Variants in SLC22A3 observed in about 807,000 individuals in gnomAD.
SLC22A3 encodes EMT organic cation transporter 3.
A neutral mutation model predicts 59.1 loss-of-function variants in SLC22A3; 51 were observed. The observed-to-expected ratio is 0.86, with a 90% CI of 0.69 to 1.09. The LOEUF (loss-of-function observed/expected upper bound fraction) is 1.09, where lower values mean the gene tolerates loss of function less well. Ranked by LOEUF, SLC22A3 falls within the 50% of genes least tolerant of loss-of-function variation. SLC22A3 has a pLI of 0.00. For missense variants in SLC22A3, 711 were observed against 726.3 expected (o/e 0.98, Z 0.24); for synonymous variants, 325 against 292.0 (o/e 1.11, Z -1.15).
chr6:160,404,379 T>C (rs1786918091), intron 2 of SLC22A3, among the ~76,000 whole-genome samples: 1 of 152,052 alleles, frequency 6.6e-6, no homozygotes, highest in South Asian at 2.1e-4. Flanking sequence ...GATATAAATC[T>C]AACAACATAT....
intron 1 of SLC22A3, among the ~76,000 whole-genome samples, chr6:160,355,211 T>C (rs971844259): frequency 4.6e-5 from 7 of 152,202 alleles, no homozygotes; most frequent in Non-Finnish European, 8.8e-5. Flanking sequence ...TTAGTGTGCT[T>C]CCTGGCAGGG....
rs774857205 is a variant in SLC22A3 at position 160,443,669 on chromosome 6, TG to T, written c.1442del (p.Gly481GlufsTer3). The T allele has an allele frequency of 6.2e-7, 1 of 1,614,070 alleles. No homozygotes were observed. The highest frequency in any genetic ancestry group is 2.2e-5 in the East Asian group (1 of 44,870). ...VSLCSGLCDFGGIIAPFLLFR... is the reference protein window; with the variant it reads ...VSLCSGLCDFXGIIAPFLLFR... The stretch of plus-strand genomic sequence containing the variant: ...CGCTCTGTTCAGGTCTGTGTGATTT[TG>T]GGGGAATCATAGCCCCATTTCTGCT... On this transcript the variant is annotated frameshift_variant, in exon 9 of 11. Coordinates refer to ENST00000275300, the MANE Select transcript of SLC22A3 (RefSeq NM_021977.4). LOFTEE classifies it high-confidence loss of function.
chr6:160,440,672 T>C (rs1788507963), intron 7 of SLC22A3, among the ~76,000 whole-genome samples: 1 of 152,232 alleles, frequency 6.6e-6, no homozygotes, highest in Non-Finnish European at 1.5e-5. Context: ...TTTGTGTGTA[T>C]ATATTTATTC....
At chr6:160,362,340 T>C (rs1166597638) in intron 1 of SLC22A3, among the ~76,000 whole-genome samples, 1 of 152,250 alleles carries the variant, frequency 6.6e-6, no homozygotes, top group African/African-American at 2.4e-5. Context: ...CAGGGATTGC[T>C]TCTGTCTTCA....
Position 160,442,780 on chromosome 6 carries a change from C to T in SLC22A3, c.1308C>T (p.Thr436=). 6.2e-7 allele frequency: 1 copy of T among 1,613,810 alleles called. No homozygotes were observed. Among genetic ancestry groups the T allele is most frequent in the Non-Finnish European group, 8.5e-7 (1 of 1,179,724 alleles). The part of the protein sequence containing the change: ...FLPEGIAWLR[T]TVATLGRLGI... The stretch of plus-strand genomic sequence containing the variant: ...TTGCAGGAATAGCATGGTTGAGGAC[C>T]ACAGTGGCTACATTGGGAAGACTAG... Residue 436 remains threonine (T), a synonymous_variant, in exon 8 of 11, where the codon ACC becomes ACT. Transcript: ENST00000275300.
At chr6:160,363,197 A>G (rs528696422) in intron 1 of SLC22A3, among the ~76,000 whole-genome samples, 17 of 152,206 alleles carry the variant, frequency 1.1e-4, no homozygotes, top group Non-Finnish European at 2.2e-4. Flanking sequence ...TGGGATGAAC[A>G]AGGGCTGGAA....
At chr6:160,370,339 T>A (rs914439839) in intron 1 of SLC22A3, among the ~76,000 whole-genome samples, 5 of 152,206 alleles carry the variant, frequency 3.3e-5, no homozygotes, top group Non-Finnish European at 5.9e-5. Flanking sequence ...GTCTCCCTCC[T>A]CAAGGACATC....
intron 1 of SLC22A3, among the ~76,000 whole-genome samples, chr6:160,389,306 C>T (rs1786151273): frequency 6.6e-6 from 1 of 152,034 alleles, no homozygotes; most frequent in Non-Finnish European, 1.5e-5. Context: ...CTGACTGATC[C>T]AATCAATGAA....
intron 1 of SLC22A3, among the ~76,000 whole-genome samples, chr6:160,360,647 C>T (rs1784983312): frequency 6.6e-6 from 1 of 152,132 alleles, no homozygotes; most frequent in Admixed American, 6.5e-5. Context: ...AAGCATTATC[C>T]AAGAAAGTGC....
At chr6:160,443,861 C>G (rs1286268369) in intron 9 of SLC22A3, 119 bp downstream of exon 9, 11 of 465,638 alleles carry the variant, frequency 2.4e-5, no homozygotes, top group Non-Finnish European at 3.3e-5. Context: ...ATTATAATAA[C>G]TATTTCATTG....
chr6:160,418,706 T>C (rs2114877345), intron 5 of SLC22A3, among the ~76,000 whole-genome samples: 1 of 152,256 alleles, frequency 6.6e-6, no homozygotes. Flanking sequence ...GCCTTTATCC[T>C]AAAGATCCCT....
intron 5 of SLC22A3, among the ~76,000 whole-genome samples, chr6:160,427,048 A>G (rs1787987593): frequency 6.6e-6 from 1 of 152,056 alleles, no homozygotes; most frequent in South Asian, 2.1e-4. Flanking sequence ...CACTTGGAAA[A>G]CAGAAGAAAT....
chr6:160,420,826 TAGA>T lies in SLC22A3; in HGVS notation c.975+9987_975+9989del, dbSNP rs764625607. On this transcript the variant is annotated intron_variant, in intron 5 of 10. Transcript: ENST00000275300. Reference sequence around the variant, plus strand: ...TGCCCATCCCATGGGCCCTGATGCCTAGAAGAAGACACGGGATTCCCGCCTGGC... The same window carrying T: ...TGCCCATCCCATGGGCCCTGATGCCTAGAAGACACGGGATTCCCGCCTGGC... Among the ~76,000 whole-genome samples the T allele has an allele frequency of 2.6e-5, 4 of 152,326 alleles. No homozygotes were observed. The East Asian group carries it at 7.7e-4, about 29-fold the overall frequency.
intron 5 of SLC22A3, among the ~76,000 whole-genome samples, chr6:160,421,954 T>C (rs1421406874): frequency 6.6e-6 from 1 of 152,224 alleles, no homozygotes; most frequent in Admixed American, 6.5e-5. Flanking sequence ...GCTTCTCGAC[T>C]GTGGATAAAT....
chr6:160,388,279 C>T (rs369432740), intron 1 of SLC22A3, among the ~76,000 whole-genome samples: 2 of 152,302 alleles, frequency 1.3e-5, no homozygotes, highest in South Asian at 4.1e-4. Flanking sequence ...ACCAGCAATA[C>T]ATGTCAGAGT....
chr6:160,401,604 G>T (rs1786784563), intron 2 of SLC22A3, among the ~76,000 whole-genome samples: 2 of 151,924 alleles, frequency 1.3e-5, no homozygotes. Context: ...AAAGGCATTG[G>T]AGAGGAATAA....
At chr6:160,420,816 C>G (rs565884894) in intron 5 of SLC22A3, among the ~76,000 whole-genome samples, 2 of 152,330 alleles carry the variant, frequency 1.3e-5, no homozygotes, top group South Asian at 4.1e-4. Flanking sequence ...ATCCCATGGG[C>G]CCTGATGCCT....
At chr6:160,404,617 A>C (rs1427328433) in intron 2 of SLC22A3, among the ~76,000 whole-genome samples, 1 of 152,116 alleles carries the variant, frequency 6.6e-6, no homozygotes, top group Non-Finnish European at 1.5e-5. Context: ...GTAGAGACAA[A>C]AGACCCAGAA....
chr6:160,363,439 G>A (rs1785092114), intron 1 of SLC22A3, among the ~76,000 whole-genome samples: 1 of 152,216 alleles, frequency 6.6e-6, no homozygotes, highest in East Asian at 1.9e-4. Flanking sequence ...CAGGCAGCCT[G>A]TTCACAAGAG....
Sources: gnomAD v4.1 joint callset for allele counts (sites outside exome capture counted in the v4.1 genomes callset) on GRCh38, gnomAD v4.1.1 for gene constraint, MANE v1.5 for transcripts, NCBI Gene and HGNC (gene_info 2026-07-23, HGNC 2026-07-21) for gene names.